Variants in QKI observed in about 807,000 individuals in gnomAD.
QKI encodes QKI, KH domain containing RNA binding.
QKI carries 10 observed loss-of-function variants against 39.0 expected under a neutral mutation model. The observed-to-expected ratio is 0.26, with a 90% CI of 0.16 to 0.43. The LOEUF is 0.43. Ranked by LOEUF, QKI falls within the 20% of genes least tolerant of loss-of-function variation. The pLI is 1.00. For missense variants in QKI, 218 were observed against 428.0 expected, an observed-to-expected ratio of 0.51 and a Z score of 4.33; for synonymous variants, 204 against 155.4, an observed-to-expected ratio of 1.31 and a Z score of -2.33.
At chr6:163,419,318 TGA>T (rs1787799031) in intron 1 of QKI, among the ~76,000 whole-genome samples, 2 of 151,892 alleles carry the variant, frequency 1.3e-5, no homozygotes, top group Admixed American at 6.6e-5. Flanking sequence ...TTTTTTTTCC[TGA>T]GAATTCATTT....
intron 1 of QKI, among the ~76,000 whole-genome samples, chr6:163,446,922 C>A (rs545371637): frequency 1.8e-4 from 27 of 152,260 alleles, no homozygotes; most frequent in South Asian, 2.1e-4. Context: ...ATCTACAGAA[C>A]TGTGTTCTGT....
intron 7 of QKI, chr6:163,568,645 A>G: frequency 2.0e-6 from 2 of 976,296 alleles, no homozygotes; most frequent in Non-Finnish European, 2.4e-6. Context: ...TTTTAAAAAA[A>G]TATTTTGAAG....
chr6:163,463,780 G>A (rs1791518000), intron 2 of QKI, among the ~76,000 whole-genome samples: 1 of 152,192 alleles, frequency 6.6e-6, no homozygotes, highest in South Asian at 2.1e-4. Flanking sequence ...GCAGAAGACA[G>A]TATTTGTGAG....
intron 3 of QKI, among the ~76,000 whole-genome samples, chr6:163,488,939 T>C (rs1225066202): frequency 1.3e-5 from 2 of 151,762 alleles, no homozygotes; most frequent in Non-Finnish European, 2.9e-5. Flanking sequence ...TGGGTAGATT[T>C]TTTATTTTTA....
intron 3 of QKI, among the ~76,000 whole-genome samples, chr6:163,531,198 C>G (rs1179360275): frequency 6.6e-6 from 1 of 152,164 alleles, no homozygotes; most frequent in East Asian, 1.9e-4. Flanking sequence ...TATTAACTCT[C>G]TGAAGGGTCA....
At chr6:163,530,762 C>T (rs1665239401) in intron 3 of QKI, among the ~76,000 whole-genome samples, 1 of 152,150 alleles carries the variant, frequency 6.6e-6, no homozygotes, top group Non-Finnish European at 1.5e-5. Context: ...CTCCAAAACA[C>T]TAAAAGAGGT....
intron 4 of QKI, among the ~76,000 whole-genome samples, chr6:163,548,119 T>TTA (rs968196259): frequency 6.6e-6 from 1 of 152,198 alleles, no homozygotes; most frequent in African/African-American, 2.4e-5. Flanking sequence ...TGTACTAATA[T>TTA]TATAGTAGAA....
intron 6 of QKI, chr6:163,563,975 A>G: frequency 1.5e-6 from 2 of 1,324,796 alleles, no homozygotes; most frequent in African/African-American, 1.5e-5. Context: ...ACATTTCAAC[A>G]AATACTTTTA....
At chr6:163,560,732 A>G (rs574236828) in intron 4 of QKI, among the ~76,000 whole-genome samples, 2 of 152,356 alleles carry the variant, frequency 1.3e-5, no homozygotes, top group Admixed American at 6.5e-5. Flanking sequence ...GTAAGAAACC[A>G]TGAAAGTGTT....
intron 4 of QKI, among the ~76,000 whole-genome samples, chr6:163,553,089 TATTTATTTATTTATTTATTTATTTA>T (rs1782362524): frequency 2.6e-5 from 3 of 114,146 alleles, no homozygotes; most frequent in Admixed American, 9.6e-5. Context: ...TTTATTTATT[TATTTATTTATTTATTTATTTATTTA>T]TTTTTTGAGA....
intron 3 of QKI, among the ~76,000 whole-genome samples, chr6:163,508,393 A>G (rs879066645): frequency 1.3e-5 from 2 of 151,682 alleles, no homozygotes; most frequent in African/African-American, 2.4e-5. Flanking sequence ...GAAAGCAGCA[A>G]GAAAAAATTA....
At chr6:163,470,920 A>G (rs934412076) in intron 2 of QKI, among the ~76,000 whole-genome samples, 1 of 152,144 alleles carries the variant, frequency 6.6e-6, no homozygotes, top group Non-Finnish European at 1.5e-5. Flanking sequence ...TAGTTGTAGT[A>G]TTAGAAGAAG....
chr6:163,526,632 A>G (rs902820734), intron 3 of QKI, among the ~76,000 whole-genome samples: 2 of 152,200 alleles, frequency 1.3e-5, no homozygotes, highest in Admixed American at 1.3e-4. Context: ...GGAAATAACA[A>G]ATCACTTGAT....
intron 2 of QKI, among the ~76,000 whole-genome samples, chr6:163,456,769 A>G (rs903871613): frequency 3.9e-5 from 6 of 152,182 alleles, no homozygotes; most frequent in African/African-American, 1.4e-4. Flanking sequence ...AGTAACACAG[A>G]GGATTAAAGG....
chr6:163,465,832 G>A (rs965751362), intron 2 of QKI, among the ~76,000 whole-genome samples: 7 of 151,794 alleles, frequency 4.6e-5, no homozygotes, highest in African/African-American at 1.7e-4. Context: ...ATTCAAAAAA[G>A]AGATTAAGAG....
intron 1 of QKI, among the ~76,000 whole-genome samples, chr6:163,424,731 A>C (rs1197168772): frequency 1.3e-5 from 2 of 151,756 alleles, no homozygotes; most frequent in East Asian, 3.9e-4. Flanking sequence ...TCCCAGGTTC[A>C]AGTGATTCTC....
At chr6:163,511,331 A>T (rs1189555760) in intron 3 of QKI, among the ~76,000 whole-genome samples, 1 of 152,152 alleles carries the variant, frequency 6.6e-6, no homozygotes, top group Non-Finnish European at 1.5e-5. Context: ...ACAGCAAGGT[A>T]AACCCAAGGT....
intron 3 of QKI, 55 bp downstream of exon 3, chr6:163,478,951 C>A: frequency 7.4e-7 from 1 of 1,352,204 alleles, no homozygotes; most frequent in Non-Finnish European, 1.0e-6. Flanking sequence ...TATACTTTTA[C>A]ATCGTAATAA....
rs1778068749 is a variant in QKI, at chr6:163,491,803, C to T, written c.402+12907C>T. 2.0e-5 allele frequency among the ~76,000 whole-genome samples: 3 copies of T among 151,982 alleles called. No individual in the cohort carries two copies. The South Asian group carries it at 6.2e-4, about 32-fold the overall frequency. On this transcript the variant is annotated intron_variant, in intron 3 of 7. Transcript: ENST00000361752. ...CCTTTGAGAGGTAAAAAGATGGACCCAATAAGAATAGACTTTTGTTTTTAT... is the reference window on the plus strand; with the variant it reads ...CCTTTGAGAGGTAAAAAGATGGACCTAATAAGAATAGACTTTTGTTTTTAT...
Sources: allele counts gnomAD v4.1 joint callset (sites outside exome capture counted in the v4.1 genomes callset), GRCh38; gene constraint gnomAD v4.1.1; transcripts MANE v1.5; gene names NCBI Gene and HGNC (gene_info 2026-07-23, HGNC 2026-07-21).